CRISPLD2: variants seen among roughly 807,000 people sequenced by gnomAD.
CRISPLD2 encodes the protein cysteine rich secretory protein LCCL domain containing 2.
A neutral mutation model predicts 71.1 loss-of-function variants in CRISPLD2; 47 were observed. The ratio of observed to expected loss-of-function variants is 0.66; its 90% CI spans 0.52 to 0.84. The LOEUF (loss-of-function observed/expected upper bound fraction) is 0.84. Ranked by LOEUF, CRISPLD2 falls within the 40% of genes least tolerant of loss-of-function variation. The probability of loss-of-function intolerance (pLI) is 0.00; values close to 1 mark genes in which losing one functional copy is unlikely to be tolerated. For missense variants in CRISPLD2, 830 were observed against 651.1 expected (o/e 1.27, Z -2.99); for synonymous variants, 317 against 250.1 (o/e 1.27, Z -2.52).
Position 84,849,308 on chromosome 16 carries a change from C to G in CRISPLD2, c.360-77C>G, listed in dbSNP as rs544696581. ...CCTCCTCGGCCTCCCTCCCTCCTAC[C>G]TGCCCGTGGCTGCTGCTGTCTCCAC... On this transcript the variant is annotated intron_variant, in intron 3 of 14. Coordinates refer to ENST00000262424, the MANE Select transcript of CRISPLD2 (RefSeq NM_031476.4). 8.4e-6 allele frequency: 12 copies of G among 1,426,470 alleles called. No homozygotes were observed. The East Asian group carries it at 1.9e-4, about 23-fold the overall frequency. The allele number at this position is 1,426,470 out of a possible 1,614,324, so 88.4% of individuals were successfully genotyped here.
At chr16:84,845,969 T>C in intron 3 of CRISPLD2, 65 bp downstream of exon 3, 1 of 1,005,520 alleles carries the variant, frequency 9.9e-7, no homozygotes. Context: ...GGCTCAGCAC[T>C]TGTGCCCCTT....
At position 84,897,308 on chromosome 16, in the gene CRISPLD2, CG is replaced by C. The variant is rs1182260187; in HGVS notation, c.1439+7948del. ...AAAATACAAAAAAAAAAAAAAAAGCCGGGCATGGTGGCATGCACCTGTAGTC... is the reference window on the plus strand; with the variant it reads ...AAAATACAAAAAAAAAAAAAAAAGCCGGCATGGTGGCATGCACCTGTAGTC... On this transcript the variant is annotated intron_variant, in intron 14 of 14. Coordinates refer to ENST00000262424, the MANE Select transcript of CRISPLD2 (RefSeq NM_031476.4). 2.8e-5 allele frequency among the ~76,000 whole-genome samples: 4 copies of C among 143,840 alleles called. No homozygotes were observed. The East Asian group carries it at 6.1e-4, about 22-fold the overall frequency. 94.4% of individuals were successfully genotyped at this position (143,840 alleles called of 152,430 possible). A position where few individuals can be genotyped will look rare whatever the true frequency, so the allele number is the denominator to read the frequency against.
intron 6 of CRISPLD2, among the ~76,000 whole-genome samples, chr16:84,863,733 G>C (rs1917453509): frequency 6.6e-6 from 1 of 152,120 alleles, no homozygotes; most frequent in Non-Finnish European, 1.5e-5. Context: ...ACTTTGGGAG[G>C]CTGAGGCGGG....
chr16:84,825,088 C>T (rs909979233), intron 1 of CRISPLD2, among the ~76,000 whole-genome samples: 5 of 152,058 alleles, frequency 3.3e-5, no homozygotes, highest in African/African-American at 9.7e-5. Context: ...GCCTGGGTGA[C>T]GGAGCGAGAT....
chr16:84,865,737 A>G (rs1226053207), intron 6 of CRISPLD2, among the ~76,000 whole-genome samples: 1 of 152,158 alleles, frequency 6.6e-6, no homozygotes, highest in Admixed American at 6.6e-5. Context: ...TTTAGCTGGA[A>G]TTTACAAATT....
intron 13 of CRISPLD2, among the ~76,000 whole-genome samples, chr16:84,883,410 C>A (rs908312375): frequency 3.9e-5 from 6 of 152,198 alleles, no homozygotes; most frequent in Non-Finnish European, 8.8e-5. Context: ...CGGGGTGTGG[C>A]CCAGGGAGCT....
rs529820618 is a variant in CRISPLD2 at position 84,873,316 on chromosome 16, A to G, written c.1112+194A>G. On this transcript the variant is annotated intron_variant, in intron 10 of 14. Coordinates refer to ENST00000262424, the MANE Select transcript of CRISPLD2 (RefSeq NM_031476.4). ...AACATGGTGAAAGTCCGTCTCTACT[A>G]AAAATACAAAAGTTAGCCAGGCGTG... is the stretch of plus-strand genomic sequence containing the variant. 3.9e-5 allele frequency: 19 copies of G among 484,150 alleles called. No individual in the cohort carries two copies. In the East Asian group the frequency reaches 6.8e-4, roughly 17 times the overall value. 30.0% of individuals were successfully genotyped at this position (484,150 alleles called of 1,614,324 possible).
At chr16:84,838,114 G>A (rs1916670831) in intron 1 of CRISPLD2, among the ~76,000 whole-genome samples, 1 of 152,094 alleles carries the variant, frequency 6.6e-6, no homozygotes, top group South Asian at 2.1e-4. Flanking sequence ...AGTCCTGAAT[G>A]AATAAGAGAT....
At chr16:84,827,990 G>A (rs1043385246) in intron 1 of CRISPLD2, among the ~76,000 whole-genome samples, 10 of 152,186 alleles carry the variant, frequency 6.6e-5, no homozygotes, top group Admixed American at 3.9e-4. Flanking sequence ...TCACACCTTC[G>A]GTATTTACCT....
intron 6 of CRISPLD2, among the ~76,000 whole-genome samples, chr16:84,864,674 G>T (rs114621418): frequency 6.6e-6 from 1 of 152,222 alleles, no homozygotes; most frequent in Admixed American, 6.5e-5. Context: ...TTCTCTGGGG[G>T]TTTTGGTAGT....
intron 1 of CRISPLD2, among the ~76,000 whole-genome samples, chr16:84,829,713 G>C (rs1189143773): frequency 1.3e-5 from 2 of 152,220 alleles, no homozygotes; most frequent in African/African-American, 2.4e-5. Flanking sequence ...CGTAGTGAAT[G>C]AATCGACATT....
intron 1 of CRISPLD2, among the ~76,000 whole-genome samples, chr16:84,827,473 G>A (rs1314133290): frequency 6.6e-6 from 1 of 151,248 alleles, no homozygotes; most frequent in Non-Finnish European, 1.5e-5. Context: ...TGGGCTTTTC[G>A]CCTGTCCTCG....
rs1470990814 is a variant in CRISPLD2 at position 84,907,067 on chromosome 16, G to A, written c.*425G>A. On this transcript the variant is annotated 3_prime_UTR_variant, in exon 15 of 15. Coordinates refer to ENST00000262424, the MANE Select transcript of CRISPLD2 (RefSeq NM_031476.4). ...TTCACGGCGTCGGAAGAGGCCTTTTGAGCAAGCGCCAATGAGTTTCAGGAA... is the reference window on the plus strand; with the variant it reads ...TTCACGGCGTCGGAAGAGGCCTTTTAAGCAAGCGCCAATGAGTTTCAGGAA... 1.4e-5 allele frequency: 3 copies of A among 208,878 alleles called. No individual in the cohort carries two copies. The highest frequency in any genetic ancestry group is 5.6e-5 in the Admixed American group (1 of 17,936). The allele number at this position is 208,878 out of a possible 1,614,324, so 12.9% of individuals were successfully genotyped here. A position where few individuals can be genotyped will look rare whatever the true frequency, so the allele number is the denominator to read the frequency against.
intron 1 of CRISPLD2, among the ~76,000 whole-genome samples, chr16:84,835,240 G>T (rs569568704): frequency 1.3e-5 from 2 of 152,060 alleles, no homozygotes; most frequent in African/African-American, 4.8e-5. Flanking sequence ...ACAGGCAGGC[G>T]CCACCACGCC....
chr16:84,906,302 A>G lies in CRISPLD2; in HGVS notation c.1440-286A>G, dbSNP rs557308331. Among the ~76,000 whole-genome samples, 344 of 152,206 alleles carry G rather than the reference A, an allele frequency of 2.3e-3. 1 individual carries two copies. The highest frequency in any genetic ancestry group is 6.8e-3 in the Middle Eastern group (2 of 294). Reference sequence around the variant, plus strand: ...GCAGAATTCTCGGAGGGTGAGTCCAATCCAGACAGACTGGGTCCAGCAGAT... The same window carrying G: ...GCAGAATTCTCGGAGGGTGAGTCCAGTCCAGACAGACTGGGTCCAGCAGAT... On this transcript the variant is annotated intron_variant, in intron 14 of 14. Transcript: ENST00000262424.
chr16:84,900,671 A>G (rs1181614487), intron 14 of CRISPLD2, among the ~76,000 whole-genome samples: 1 of 152,128 alleles, frequency 6.6e-6, no homozygotes, highest in Non-Finnish European at 1.5e-5. Flanking sequence ...TTGGTCCAGC[A>G]ATTCCACTCC....
intron 5 of CRISPLD2, 116 bp from the exon 6 acceptor site, chr16:84,854,613 C>A (rs535739662): frequency 6.3e-5 from 46 of 735,762 alleles, no homozygotes; most frequent in Non-Finnish European, 9.8e-5. Flanking sequence ...ACACAACCTT[C>A]CCCCCTGACC....
chr16:84,885,812 CTTTTTTTTTT>C (rs781115960), intron 13 of CRISPLD2, among the ~76,000 whole-genome samples: 1 of 95,772 alleles, frequency 1.0e-5, no homozygotes, highest in African/African-American at 4.0e-5. Flanking sequence ...TGGATCCCTT[CTTTTTTTTTT>C]TTTTTTTTTT....
intron 13 of CRISPLD2, among the ~76,000 whole-genome samples, chr16:84,882,241 C>G (rs1169098564): frequency 6.7e-6 from 1 of 150,150 alleles, no homozygotes; most frequent in African/African-American, 2.5e-5. Context: ...GTTAAATGTA[C>G]TGAATGAGAC....
Sources: gnomAD v4.1 joint callset for allele counts (sites outside exome capture counted in the v4.1 genomes callset) on GRCh38, gnomAD v4.1.1 for gene constraint, MANE v1.5 for transcripts, NCBI Gene and HGNC (gene_info 2026-07-23, HGNC 2026-07-21) for gene names.